HNRNPUL1: variants seen among roughly 807,000 people sequenced by gnomAD.
HNRNPUL1 encodes the protein heterogeneous nuclear ribonucleoprotein U-like protein 1.
In HNRNPUL1, 14 loss-of-function variants were observed where a neutral mutation model predicts 108.5. The ratio of observed to expected loss-of-function variants is 0.13; its 90% CI spans 0.09 to 0.20. The LOEUF (loss-of-function observed/expected upper bound fraction) is 0.20. HNRNPUL1 is among the 10% of genes least tolerant of loss of function. The pLI, the probability that HNRNPUL1 is intolerant of heterozygous loss-of-function variation, is 1.00. For synonymous variants in HNRNPUL1, 422 were observed against 445.2 expected (o/e 0.95, Z 0.66); for missense variants, 804 against 1,168.3 (o/e 0.69, Z 4.55).
chr19:41,291,979 C>CAA lies in HNRNPUL1; in HGVS notation c.1000-253_1000-252dup, dbSNP rs534769812. On this transcript the variant is annotated intron_variant, in intron 7 of 14. Coordinates refer to ENST00000392006, the MANE Select transcript of HNRNPUL1 (RefSeq NM_007040.6). ...TGGGGGACAGGGTGAGACCCTGTCT[C>CAA]AAAAAAAAAAAAAACAAAAAAAAAA... 1,702 of 234,940 alleles carry CAA rather than the reference C, an allele frequency of 7.2e-3. 5 individuals carry two copies. The highest frequency in any genetic ancestry group is 0.011 in the South Asian group (325 of 28,572). 14.6% of individuals were successfully genotyped at this position (234,940 alleles called of 1,614,324 possible). A position where few individuals can be genotyped will look rare whatever the true frequency, so the allele number is the denominator to read the frequency against.
chr19:41,268,337 A>G lies in HNRNPUL1; in HGVS notation c.410A>G (p.Tyr137Cys), dbSNP rs62120961. 7,526 of 1,613,542 alleles carry G rather than the reference A, an allele frequency of 4.7e-3. 24 individuals carry two copies. Among genetic ancestry groups the G allele is most frequent in the Non-Finnish European group, 5.8e-3 (6,886 of 1,179,772 alleles). ...CTGGAAATGGAGCAGCAGCAGGCCTATCGTCCAGGTAGGAAAATACACATG... is the reference window on the plus strand; with the variant it reads ...CTGGAAATGGAGCAGCAGCAGGCCTGTCGTCCAGGTAGGAAAATACACATG... ...RPLEMEQQQA[Y>C]RPEMKTEMKQ... The change falls in exon 2 of 15, where the codon TAT becomes TGT. Residue 137 changes from tyrosine (Y) to cysteine (C), a missense_variant. By Grantham distance (194) the Tyr-to-Cys change is radical (BLOSUM62 -2). Transcript: ENST00000392006.
Position 41,268,234 on chromosome 19 carries a change from A to G in HNRNPUL1, c.307A>G (p.Asn103Asp). The change falls in exon 2 of 15, where the codon AAT (asparagine) becomes GAT (aspartate). Residue 103 changes from asparagine (N) to aspartate (D), a missense_variant. Around this residue, in one of 4 missense-constraint regions of HNRNPUL1, gnomAD observed 256 missense variants for 261.6 expected, o/e 0.98. Coordinates refer to ENST00000392006, the MANE Select transcript of HNRNPUL1 (RefSeq NM_007040.6). ...SGPDGHYAMD[N>D]ITRQNQFYDT... is the part of the protein sequence containing the mutation. ...AATTTTGTTTTAAGATGCCATGGAC[A>G]ATATTACCAGGCAGAACCAATTCTA... The G allele has an allele frequency of 1.9e-6, 3 of 1,613,760 alleles. No individual in the cohort carries two copies. Among genetic ancestry groups the G allele is most frequent in the African/African-American group, 1.3e-5 (1 of 75,018 alleles).
chr19:41,300,370 C>G (rs886708755), intron 10 of HNRNPUL1, among the ~76,000 whole-genome samples: 2 of 150,780 alleles, frequency 1.3e-5, no homozygotes, highest in Non-Finnish European at 2.9e-5. Context: ...AGACTGTTTT[C>G]CCCATCTGTG....
Position 41,292,608 on chromosome 19 carries a change from T to A in HNRNPUL1, c.1266+97T>A. 6.9e-7 allele frequency: 1 copy of A among 1,450,510 alleles called. No homozygotes were observed. Among genetic ancestry groups the A allele is most frequent in the Non-Finnish European group, 9.5e-7 (1 of 1,050,006 alleles). The allele number at this position is 1,450,510 out of a possible 1,614,324, so 89.9% of individuals were successfully genotyped here. On this transcript the variant is annotated intron_variant, in intron 8 of 14. Transcript: ENST00000392006. This position sits in a 1 kb window ranked among gnomAD's most constrained non-coding sequence, Gnocchi z 4.1. ...CACAGACTTGCTGCGAGAGTAGCCT[T>A]GGGGCAAGTGGCCACTTTGTCCCAG...
rs1460973637 is a variant in HNRNPUL1 at position 41,301,664 on chromosome 19, A to G, written c.1647A>G (p.Glu549=). 5.0e-6 allele frequency: 8 copies of G among 1,613,864 alleles called. No homozygotes were observed. In the African/African-American group the frequency reaches 9.3e-5, roughly 19 times the overall value. The part of the protein sequence containing the change: ...KDRTIKRTDE[E]GKDVPDHAVL... ...GAACAATAAAGCGAACCGACGAGGA[A>G]GGGAAGGATGTCCCAGATCATGCGG... Residue 549 remains glutamate (E), a synonymous_variant, in exon 11 of 15, where the codon GAA becomes GAG. Coordinates refer to ENST00000392006, the MANE Select transcript of HNRNPUL1 (RefSeq NM_007040.6).
At chr19:41,291,388 C>G (rs1405191284) in intron 7 of HNRNPUL1, among the ~76,000 whole-genome samples, 1 of 152,214 alleles carries the variant, frequency 6.6e-6, no homozygotes, top group Admixed American at 6.5e-5. Flanking sequence ...GTTGAACAAG[C>G]TGAACTCAGT....
intron 1 of HNRNPUL1, among the ~76,000 whole-genome samples, chr19:41,266,844 A>G (rs2034880136): frequency 6.6e-6 from 1 of 152,186 alleles, no homozygotes; most frequent in Non-Finnish European, 1.5e-5. Context: ...CCTAGAGATT[A>G]TCGAGGACCC....
rs371063909 is a variant in HNRNPUL1 at position 41,306,598 on chromosome 19, G to A, written c.*33G>A. The A allele has an allele frequency of 3.7e-5, 51 of 1,380,048 alleles. No individual in the cohort carries two copies. The highest frequency in any genetic ancestry group is 2.0e-4 in the Middle Eastern group (1 of 4,964). 85.5% of individuals were successfully genotyped at this position (1,380,048 alleles called of 1,614,324 possible). A position where few individuals can be genotyped will look rare whatever the true frequency, so the allele number is the denominator to read the frequency against. ...GACCCAGAGGCTCCCGGAGGCCCCT[G>A]CCGGCTTCCTCCACCAGCGCCTGCC... On this transcript the variant is annotated 3_prime_UTR_variant, in exon 15 of 15. Transcript: ENST00000392006.
chr19:41,285,616 A>G (rs1288198713), intron 7 of HNRNPUL1, among the ~76,000 whole-genome samples: 1 of 152,198 alleles, frequency 6.6e-6, no homozygotes, highest in Non-Finnish European at 1.5e-5. Flanking sequence ...GAAGGTGTGG[A>G]TGATGAAAAT....
chr19:41,282,477 T>C (rs1181078), intron 7 of HNRNPUL1, among the ~76,000 whole-genome samples: 152,206 of 152,278 alleles, frequency 1, 76,067 homozygotes, highest in Middle Eastern at 1. Context: ...CCACCACGCC[T>C]GGCCCCTTCT....
chr19:41,285,559 A>G (rs1013340649), intron 7 of HNRNPUL1, among the ~76,000 whole-genome samples: 1 of 152,010 alleles, frequency 6.6e-6, no homozygotes, highest in Non-Finnish European at 1.5e-5. Flanking sequence ...TAACTCTCAA[A>G]CCCTAAATCC....
intron 7 of HNRNPUL1, among the ~76,000 whole-genome samples, chr19:41,284,652 C>T (rs2036102332): frequency 6.6e-6 from 1 of 151,758 alleles, no homozygotes; most frequent in South Asian, 2.1e-4. Context: ...GACTCTGTCT[C>T]AAAATAAATA....
At position 41,264,516 on chromosome 19, in the gene HNRNPUL1, C is replaced by A. The variant is rs11556497; in HGVS notation, c.13C>A (p.Arg5Ser). Residue 5 changes from arginine (R) to serine (S), a missense_variant, in exon 1 of 15, where the codon CGT becomes AGT. Transcript: ENST00000392006. Reference sequence around the variant, plus strand: ...GGGGGCCCGGGCCATGGATGTGCGCCGTCTGAAGGTGAACGAACTTCGCGA... The same window carrying A: ...GGGGGCCCGGGCCATGGATGTGCGCAGTCTGAAGGTGAACGAACTTCGCGA... Reference protein sequence around the residue: MDVRRLKVNELREEL... With the variant: MDVRSLKVNELREEL... 7 of 1,432,892 alleles carry A rather than the reference C, an allele frequency of 4.9e-6. No individual in the cohort carries two copies. In the African/African-American group the frequency reaches 7.4e-5, roughly 15 times the overall value. The allele number at this position is 1,432,892 out of a possible 1,614,324, so 88.8% of individuals were successfully genotyped here. A position where few individuals can be genotyped will look rare whatever the true frequency, so the allele number is the denominator to read the frequency against.
At chr19:41,262,628 GC>G (rs2034577769), upstream of HNRNPUL1, 1 of 152,410 alleles carries the variant, frequency 6.6e-6, no homozygotes, top group Non-Finnish European at 1.5e-5. Flanking sequence ...TGTTTGGGTT[GC>G]TGTAGTGTTC....
At chr19:41,276,550 T>C in intron 5 of HNRNPUL1, 1 of 384,708 alleles carries the variant, frequency 2.6e-6, no homozygotes, top group Non-Finnish European at 4.7e-6. Context: ...AGGTATTATG[T>C]AGTCAACCAG....
chr19:41,304,400 C>T, intron 13 of HNRNPUL1, 139 bp downstream of exon 13: 1 of 1,428,056 alleles, frequency 7.0e-7, no homozygotes, highest in Non-Finnish European at 9.3e-7. Context: ...GCCTGCCCTT[C>T]TTTCTCCCTG....
At position 41,306,795 on chromosome 19, in the gene HNRNPUL1, G is replaced by A. The variant is rs868438543; in HGVS notation, c.*230G>A. ...AACAATGACCTTTTATTTTCTGTTTGTCCCCACCTCCCCAGCCTTCCACCT... is the reference window on the plus strand; with the variant it reads ...AACAATGACCTTTTATTTTCTGTTTATCCCCACCTCCCCAGCCTTCCACCT... On this transcript the variant is annotated 3_prime_UTR_variant, in exon 15 of 15. Coordinates refer to ENST00000392006, the MANE Select transcript of HNRNPUL1 (RefSeq NM_007040.6). The A allele has an allele frequency of 8.0e-6, 3 of 372,686 alleles. No homozygotes were observed. The highest frequency in any genetic ancestry group is 2.1e-5 in the African/African-American group (1 of 47,844). The allele number at this position is 372,686 out of a possible 1,614,324, so 23.1% of individuals were successfully genotyped here.
Position 41,293,092 on chromosome 19 carries a change from A to G in HNRNPUL1, c.1266+581A>G, listed in dbSNP as rs139008464. ...TTCCACCTCTCACCCAGAGCTATCA[A>G]AAGATAAATGGCCTTTGGGAAGATT... is the stretch of plus-strand genomic sequence containing the variant. On this transcript the variant is annotated intron_variant, in intron 8 of 14. Coordinates refer to ENST00000392006, the MANE Select transcript of HNRNPUL1 (RefSeq NM_007040.6). 2.0e-5 allele frequency among the ~76,000 whole-genome samples: 3 copies of G among 152,356 alleles called. No homozygotes were observed. The East Asian group carries it at 5.8e-4, about 29-fold the overall frequency.
chr19:41,289,517 C>A (rs2036454711), intron 7 of HNRNPUL1, among the ~76,000 whole-genome samples: 1 of 152,026 alleles, frequency 6.6e-6, no homozygotes, highest in Admixed American at 6.6e-5. Context: ...GGTCTTTAGG[C>A]CTGGGACTGA....
Sources: gnomAD v4.1 joint callset for allele counts (sites outside exome capture counted in the v4.1 genomes callset) on GRCh38, gnomAD v4.1.1 for gene constraint, gnomAD v4.1.1 regional missense constraint, Gnocchi (gnomAD v3.1) non-coding constraint, MANE v1.5 for transcripts, NCBI Gene and HGNC (gene_info 2026-07-23, HGNC 2026-07-21) for gene names.